PITPNC1: variants seen among roughly 807,000 people sequenced by gnomAD.
PITPNC1 encodes phosphatidylinositol transfer protein cytoplasmic 1.
A neutral mutation model predicts 44.7 loss-of-function variants in PITPNC1; 18 were observed. The observed-to-expected ratio is 0.40, with a 90% CI of 0.28 to 0.60. PITPNC1 has a LOEUF of 0.60. Ranked by LOEUF, PITPNC1 falls within the 20% of genes least tolerant of loss-of-function variation. The pLI is 0.39. For synonymous variants in PITPNC1, 141 were observed against 149.6 expected (o/e 0.94, Z 0.42); for missense variants, 290 against 418.4 (o/e 0.69, Z 2.68).
intron 1 of PITPNC1, among the ~76,000 whole-genome samples, chr17:67,416,195 A>G (rs2143855174): frequency 8.3e-6 from 1 of 121,120 alleles, no homozygotes; most frequent in Admixed American, 8.6e-5. Flanking sequence ...CCTTGTTTAC[A>G]TGTATTGCTT....
intron 1 of PITPNC1, among the ~76,000 whole-genome samples, chr17:67,425,193 G>GCACA (rs201370650): frequency 1.9e-5 from 1 of 52,116 alleles, no homozygotes; most frequent in African/African-American, 1.0e-4. Flanking sequence ...TTGTGCGCGC[G>GCACA]CACGCACACG....
intron 8 of PITPNC1, among the ~76,000 whole-genome samples, chr17:67,680,387 G>A (rs1328980325): frequency 6.6e-6 from 1 of 152,066 alleles, no homozygotes; most frequent in African/African-American, 2.4e-5. Flanking sequence ...ATCACCTGAG[G>A]TCAGGAGTTC....
intron 1 of PITPNC1, among the ~76,000 whole-genome samples, chr17:67,465,868 T>A (rs770064128): frequency 6.6e-6 from 1 of 151,660 alleles, no homozygotes; most frequent in Non-Finnish European, 1.5e-5. Context: ...AGATGATGTA[T>A]GGGATGGGGG....
chr17:67,397,547 T>C (rs1235849220), intron 1 of PITPNC1, among the ~76,000 whole-genome samples: 1 of 151,994 alleles, frequency 6.6e-6, no homozygotes, highest in Non-Finnish European at 1.5e-5. Context: ...GGTTAATGGA[T>C]TGGGATTTTA....
intron 8 of PITPNC1, among the ~76,000 whole-genome samples, chr17:67,689,694 A>G (rs2042885423): frequency 6.6e-6 from 1 of 152,222 alleles, no homozygotes; most frequent in Admixed American, 6.5e-5. Context: ...GGGAACTTCT[A>G]AGAGCCTCTG....
At chr17:67,512,916 G>C (rs575043257) in intron 1 of PITPNC1, among the ~76,000 whole-genome samples, 86 of 152,150 alleles carry the variant, frequency 5.7e-4, no homozygotes, top group South Asian at 3.1e-3. Flanking sequence ...AGTTATCTAA[G>C]CTCCAGCCAG....
chr17:67,688,884 GTT>G (rs2042870358), intron 8 of PITPNC1, among the ~76,000 whole-genome samples: 1 of 152,178 alleles, frequency 6.6e-6, no homozygotes, highest in Admixed American at 6.5e-5. Flanking sequence ...CTTTCTTTCA[GTT>G]TTACTGTGAT....
intron 5 of PITPNC1, among the ~76,000 whole-genome samples, chr17:67,594,926 T>G (rs2041440778): frequency 6.6e-6 from 1 of 152,210 alleles, no homozygotes; most frequent in Admixed American, 6.5e-5. Flanking sequence ...TTTGTACACA[T>G]TTTAGACATT....
At chr17:67,515,296 T>G (rs1291726641) in intron 1 of PITPNC1, among the ~76,000 whole-genome samples, 3 of 152,192 alleles carry the variant, frequency 2.0e-5, no homozygotes, top group Non-Finnish European at 4.4e-5. Context: ...GAGGAAGGCA[T>G]GCCCAATAGA....
chr17:67,513,694 G>A (rs1223316921), intron 1 of PITPNC1, among the ~76,000 whole-genome samples: 1 of 151,900 alleles, frequency 6.6e-6, no homozygotes, highest in Non-Finnish European at 1.5e-5. Context: ...GAGTGGTCAC[G>A]TGTGTGTCAG....
At chr17:67,494,170 T>TCTTC in intron 1 of PITPNC1, among the ~76,000 whole-genome samples, 1 of 65,258 alleles carries the variant, frequency 1.5e-5, no homozygotes, top group Non-Finnish European at 3.4e-5. Context: ...CCTCTTTCTT[T>TCTTC]CTTTCTTTCT....
At chr17:67,511,256 C>A (rs552469514) in intron 1 of PITPNC1, among the ~76,000 whole-genome samples, 1 of 152,088 alleles carries the variant, frequency 6.6e-6, no homozygotes, top group Non-Finnish European at 1.5e-5. Flanking sequence ...CATTGATGGA[C>A]AACTGGAGTT....
At position 67,675,330 on chromosome 17, in the gene PITPNC1, C is replaced by T; in HGVS notation, c.619-149C>T. The stretch of plus-strand genomic sequence containing the variant: ...TGGAGGTGTGTGAGCACTATAGGAC[C>T]TATAGGCAGCCTGTAATTGTCATCA... On this transcript the variant is annotated intron_variant, in intron 7 of 8. Coordinates refer to ENST00000581322, the MANE Select transcript of PITPNC1 (RefSeq NM_012417.4). The T allele has an allele frequency of 4.6e-6, 3 of 651,196 alleles. No homozygotes were observed. In the South Asian group the frequency reaches 5.5e-5, roughly 12 times the overall value. The allele number at this position is 651,196 out of a possible 1,614,324, so 40.3% of individuals were successfully genotyped here. A position where few individuals can be genotyped will look rare whatever the true frequency, so the allele number is the denominator to read the frequency against.
intron 1 of PITPNC1, among the ~76,000 whole-genome samples, chr17:67,487,627 A>G (rs1409501203): frequency 6.6e-6 from 1 of 152,202 alleles, no homozygotes; most frequent in Non-Finnish European, 1.5e-5. Flanking sequence ...TTGACTTCTC[A>G]GGGACTGTTA....
At chr17:67,451,993 C>CA (rs1051354688) in intron 1 of PITPNC1, among the ~76,000 whole-genome samples, 6 of 151,440 alleles carry the variant, frequency 4.0e-5, no homozygotes, top group African/African-American at 1.5e-4. Flanking sequence ...TTGTTGAATG[C>CA]ATCAGTGGTT....
intron 1 of PITPNC1, among the ~76,000 whole-genome samples, chr17:67,529,473 T>C (rs1216097643): frequency 6.6e-6 from 1 of 152,142 alleles, no homozygotes; most frequent in Non-Finnish European, 1.5e-5. Context: ...GAAATTCACA[T>C]AACATAAAAT....
At chr17:67,667,081 G>A (rs1249375516) in intron 6 of PITPNC1, among the ~76,000 whole-genome samples, 2 of 152,152 alleles carry the variant, frequency 1.3e-5, no homozygotes, top group African/African-American at 4.8e-5. Flanking sequence ...TGGGAGGGGA[G>A]ATGCCAATTT....
intron 1 of PITPNC1, among the ~76,000 whole-genome samples, chr17:67,438,332 T>C (rs1027787965): frequency 5.1e-5 from 7 of 138,084 alleles, no homozygotes; most frequent in Non-Finnish European, 9.4e-5. Flanking sequence ...TTTTTTTTTT[T>C]CTGAGACAGA....
At chr17:67,653,845 G>A (rs1056271948) in intron 6 of PITPNC1, among the ~76,000 whole-genome samples, 6 of 152,200 alleles carry the variant, frequency 3.9e-5, no homozygotes, top group Admixed American at 3.9e-4. Flanking sequence ...GGAAGGAAAG[G>A]ACAGCGTATG....
Sources: gnomAD v4.1 joint callset for allele counts (sites outside exome capture counted in the v4.1 genomes callset) on GRCh38, gnomAD v4.1.1 for gene constraint, MANE v1.5 for transcripts, NCBI Gene and HGNC (gene_info 2026-07-23, HGNC 2026-07-21) for gene names.